Variants in MTA3 observed in about 807,000 individuals in gnomAD.
The protein encoded by MTA3 is metastasis associated 1 family member 3.
A neutral mutation model predicts 83.5 loss-of-function variants in MTA3; 34 were observed. That is an observed-to-expected ratio of 0.41 (90% CI 0.31 to 0.54). The LOEUF is 0.54. Ranked by LOEUF, MTA3 falls within the 20% of genes least tolerant of loss-of-function variation. MTA3 has a pLI of 0.33. For missense variants in MTA3, 761 were observed against 726.4 expected (o/e 1.05, Z -0.55); for synonymous variants, 303 against 252.7 (o/e 1.20, Z -1.89).
intron 4 of MTA3, among the ~76,000 whole-genome samples, chr2:42,632,643 A>G (rs969331828): frequency 1.3e-5 from 2 of 152,128 alleles, no homozygotes; most frequent in East Asian, 1.9e-4. Context: ...TTTGTTATCA[A>G]ATATTCAGAA....
In MTA3 at chr2:42,543,268, C is replaced by G. The variant is rs369606038; in HGVS notation, c.-140-27169C>G. Among the ~76,000 whole-genome samples, 29 of 150,384 alleles carry G rather than the reference C, an allele frequency of 1.9e-4. No individual in the cohort carries two copies. In the East Asian group the frequency reaches 5.2e-3, roughly 27 times the overall value. The stretch of plus-strand genomic sequence containing the variant: ...TCTCAGCTCACTGCAAACTCTGCCT[C>G]CCTGGTTCAAGCGATTCTCCTGCTT... On this transcript the variant is annotated intron_variant, in intron 2 of 17. Transcript: ENST00000405592.
In MTA3 at chr2:42,753,534, CAATGGGGCGGGGAAGGA is replaced by C; in HGVS notation, c.*137_*153del. ...ACCTCTGCGTGCATCCATGGAGACGCAATGGGGCGGGGAAGGAACTGTGGGAGTGCACGTTCCAAATC... is the reference window on the plus strand; with the variant it reads ...ACCTCTGCGTGCATCCATGGAGACGCACTGTGGGAGTGCACGTTCCAAATC... On this transcript the variant is annotated 3_prime_UTR_variant, in exon 17 of 17. Coordinates refer to ENST00000405094, the MANE Select transcript of MTA3 (RefSeq NM_001330442.2). 1 of 1,491,890 alleles carries C rather than the reference CAATGGGGCGGGGAAGGA, an allele frequency of 6.7e-7. No homozygotes were observed. 92.4% of individuals were successfully genotyped at this position (1,491,890 alleles called of 1,614,324 possible).
intron 2 of MTA3, among the ~76,000 whole-genome samples, chr2:42,523,974 A>C (rs1274009211): frequency 6.6e-6 from 1 of 152,132 alleles, no homozygotes; most frequent in Non-Finnish European, 1.5e-5. Context: ...GGAATAGAAT[A>C]TTTTTTAAAA....
chr2:42,644,723 A>G (rs950934531), intron 6 of MTA3, among the ~76,000 whole-genome samples: 4 of 152,172 alleles, frequency 2.6e-5, no homozygotes, highest in African/African-American at 9.7e-5. Context: ...TTTCATTATT[A>G]TAATATCTGT....
At chr2:42,640,299 T>TG in intron 5 of MTA3, 63 bp downstream of exon 5, 2 of 1,149,272 alleles carry the variant, frequency 1.7e-6, no homozygotes, top group Non-Finnish European at 2.5e-6. Context: ...GCTCTTTCCT[T>TG]GGAATTTATT....
intron 11 of MTA3, among the ~76,000 whole-genome samples, chr2:42,699,374 T>A (rs1448568275): frequency 4.6e-5 from 7 of 152,104 alleles, no homozygotes; most frequent in Non-Finnish European, 5.9e-5. Flanking sequence ...ACTAATTTAT[T>A]TTTTATAGAG....
At chr2:42,613,554 G>A (rs1052940549) in intron 4 of MTA3, 2 of 152,292 alleles carry the variant, frequency 1.3e-5, no homozygotes. Context: ...GGCTTTAAAA[G>A]GAGAAAATTA....
intron 2 of MTA3, among the ~76,000 whole-genome samples, chr2:42,527,018 C>G (rs1675739808): frequency 7.2e-6 from 1 of 139,350 alleles, no homozygotes; most frequent in African/African-American, 2.7e-5. Context: ...CCCGCCACTG[C>G]ACTCCAGCCT....
intron 8 of MTA3, among the ~76,000 whole-genome samples, chr2:42,671,207 A>T (rs184099675): frequency 2.3e-4 from 35 of 152,320 alleles, no homozygotes; most frequent in African/African-American, 7.7e-4. Flanking sequence ...TGTTCTACTT[A>T]AGTCCATTTT....
intron 2 of MTA3, among the ~76,000 whole-genome samples, chr2:42,517,921 C>T (rs1218113409): frequency 4.0e-5 from 6 of 150,724 alleles, no homozygotes; most frequent in African/African-American, 1.2e-4. Context: ...CGTGGTGGCT[C>T]ACGCCTGTAA....
intron 4 of MTA3, among the ~76,000 whole-genome samples, chr2:42,629,845 C>G (rs941294712): frequency 9.2e-5 from 14 of 151,966 alleles, no homozygotes; most frequent in African/African-American, 3.1e-4. Context: ...GTGGCATGAT[C>G]TCGGCTCTCT....
rs1442994790 is a variant in MTA3, at chr2:42,710,643, G to GTTTA, written c.1525+1548_1525+1551dup. On this transcript the variant is annotated intron_variant, in intron 14 of 16. Transcript: ENST00000405094. Reference sequence around the variant, plus strand: ...ATATTAGATTCATGTATATTTGAGAGTTTAGGCTTATATTTAGGTTTTGTG... The same window carrying GTTTA: ...ATATTAGATTCATGTATATTTGAGAGTTTATTTAGGCTTATATTTAGGTTTTGTG... 3.3e-5 allele frequency among the ~76,000 whole-genome samples: 5 copies of GTTTA among 151,710 alleles called. No individual in the cohort carries two copies. In the East Asian group the frequency reaches 9.7e-4, roughly 29 times the overall value.
intron 3 of MTA3, among the ~76,000 whole-genome samples, chr2:42,592,883 G>A (rs1471073865): frequency 2.0e-5 from 3 of 152,174 alleles, no homozygotes; most frequent in Non-Finnish European, 2.9e-5. Flanking sequence ...AGGTGCGGTG[G>A]CTCACGCCTG....
intron 4 of MTA3, among the ~76,000 whole-genome samples, chr2:42,618,969 G>A (rs1415795615): frequency 2.0e-5 from 3 of 152,138 alleles, no homozygotes; most frequent in African/African-American, 7.2e-5. Context: ...GGCAACATCT[G>A]ACTGACAGAG....
intron 2 of MTA3, among the ~76,000 whole-genome samples, chr2:42,575,145 G>T (rs1445504447): frequency 6.6e-6 from 1 of 152,174 alleles, no homozygotes; most frequent in Non-Finnish European, 1.5e-5. Flanking sequence ...TTGCTTACTT[G>T]GCACAAAGCA....
At chr2:42,544,317 G>A (rs560600209) in intron 2 of MTA3, among the ~76,000 whole-genome samples, 109 of 151,840 alleles carry the variant, frequency 7.2e-4, no homozygotes, top group African/African-American at 2.6e-3. Flanking sequence ...ATGGTGGCAC[G>A]TGCCTATAGT....
At chr2:42,664,277 T>G (rs1690012758) in intron 8 of MTA3, among the ~76,000 whole-genome samples, 1 of 152,110 alleles carries the variant, frequency 6.6e-6, no homozygotes, top group Admixed American at 6.6e-5. Flanking sequence ...TTGAGTAGTA[T>G]GGTTAAAAAT....
intron 2 of MTA3, among the ~76,000 whole-genome samples, chr2:42,544,420 C>G (rs1420962161): frequency 3.3e-5 from 5 of 151,092 alleles, no homozygotes; most frequent in African/African-American, 9.8e-5. Context: ...TACTCTGTTG[C>G]CAGCTTGGGC....
chr2:42,525,519 T>TCCTTC, intron 2 of MTA3, among the ~76,000 whole-genome samples: 2 of 72,330 alleles, frequency 2.8e-5, no homozygotes, highest in Non-Finnish European at 5.9e-5. Flanking sequence ...CTTCCTTTCT[T>TCCTTC]CCCTTCCTTC....
Sources: allele counts gnomAD v4.1 joint callset (sites outside exome capture counted in the v4.1 genomes callset), GRCh38; gene constraint gnomAD v4.1.1; transcripts MANE v1.5; gene names NCBI Gene and HGNC (gene_info 2026-07-23, HGNC 2026-07-21).